PARP4: variants seen among roughly 807,000 people sequenced by gnomAD.
PARP4 encodes poly(ADP-ribose) polymerase family member 4.
In PARP4, 120 loss-of-function variants were observed where a neutral mutation model predicts 187.7. The observed-to-expected ratio is 0.64, with a 90% CI of 0.55 to 0.74. PARP4 has a LOEUF of 0.74. Among genes scored for constraint, PARP4 ranks in the 30% least tolerant of loss-of-function variants. The pLI, the probability that PARP4 is intolerant of heterozygous loss-of-function variation, is 0.00. For synonymous variants in PARP4, 654 were observed against 740.9 expected, an observed-to-expected ratio of 0.88 and a Z score of 1.90; for missense variants, 1,836 against 2,070.5, an observed-to-expected ratio of 0.89 and a Z score of 2.20.
Position 24,456,424 on chromosome 13 carries a change from T to C in PARP4, c.2479A>G (p.Ser827Gly). The C allele has an allele frequency of 6.2e-7, 1 of 1,611,766 alleles. No homozygotes were observed. Among genetic ancestry groups the C allele is most frequent in the Non-Finnish European group, 8.5e-7 (1 of 1,178,282 alleles). Residue 827 changes from serine to glycine, a missense_variant, in exon 21 of 34, where the codon AGT becomes GGT. Physicochemically the swap from Ser to Gly is moderately conservative, Grantham distance 56. Around this residue, in one of 8 missense-constraint regions of PARP4, gnomAD observed 1,147 missense variants for 1,214.2 expected, o/e 0.94. Transcript: ENST00000381989. ...STMEGSSLDS[S>G]GFSLHIGLSA... The stretch of plus-strand genomic sequence containing the variant: ...AAACCGATGTGGAGAGAAAATCCAC[T>C]GCTGTCTAAGGAGCTGCCTTCCATG...
chr13:24,435,078 G>GC lies in PARP4; in HGVS notation c.4062_4063insG (p.Pro1355AlafsTer6). ...TGAGATGCATCAAACTGTCTGGGAGGAGCAGCTGAACCGAAACTAGCTACC... is the reference window on the plus strand; with the variant it reads ...TGAGATGCATCAAACTGTCTGGGAGGCAGCAGCTGAACCGAAACTAGCTACC... On this transcript the variant is annotated frameshift_variant, in exon 31 of 34. Transcript: ENST00000381989. LOFTEE classifies it high-confidence loss of function. 6.2e-7 allele frequency: 1 copy of GC among 1,614,178 alleles called. No homozygotes were observed. Among genetic ancestry groups the GC allele is most frequent in the Non-Finnish European group, 8.5e-7 (1 of 1,180,040 alleles).
intron 13 of PARP4, 98 bp downstream of exon 13, chr13:24,477,995 T>G (rs929175741): frequency 3.4e-5 from 37 of 1,088,464 alleles, no homozygotes; most frequent in Non-Finnish European, 4.6e-5. Context: ...TAACAATTAT[T>G]TAAACTTAAG....
chr13:24,452,621 T>A (rs370310726), intron 23 of PARP4, 28 bp from the exon 24 acceptor site: 88 of 1,580,234 alleles, frequency 5.6e-5, no homozygotes, highest in Non-Finnish European at 7.0e-5. Context: ...AAAGATTATG[T>A]TCTCCTTGTT....
chr13:24,478,163 G>C lies in PARP4; in HGVS notation c.1562C>G (p.Thr521Ser), dbSNP rs1215299759. Residue 521 changes from threonine to serine, a missense_variant, in exon 13 of 34, where the codon ACT (threonine) becomes AGT (serine). By Grantham distance (58) the Thr-to-Ser change is moderately conservative. Transcript: ENST00000381989. ...MDLHEKDFSL[T>S]EAPPGYDSVH... is the part of the protein sequence containing the mutation. Reference sequence around the variant, plus strand: ...ACTGTCGTAGCCTGGTGGTGCTTCAGTTAAGGAAAAGTCCTTCTCATGTAA... The same window carrying C: ...ACTGTCGTAGCCTGGTGGTGCTTCACTTAAGGAAAAGTCCTTCTCATGTAA... 1 of 1,613,860 alleles carries C rather than the reference G, an allele frequency of 6.2e-7. No homozygotes were observed. Among genetic ancestry groups the C allele is most frequent in the East Asian group, 2.2e-5 (1 of 44,880 alleles).
At chr13:24,505,034 C>T (rs1441034481) in intron 1 of PARP4, among the ~76,000 whole-genome samples, 43 of 140,622 alleles carry the variant, frequency 3.1e-4, no homozygotes. Context: ...GTCAGGGTCT[C>T]ACTCTGTCAC....
At chr13:24,511,747 T>C (rs974545890) in intron 1 of PARP4, among the ~76,000 whole-genome samples, 8 of 152,204 alleles carry the variant, frequency 5.3e-5, no homozygotes, top group African/African-American at 1.4e-4. Context: ...ACAGTGGGCA[T>C]TCAATAAAAG....
intron 9 of PARP4, among the ~76,000 whole-genome samples, 172 bp from the exon 10 acceptor site, chr13:24,491,000 G>A (rs1199448958): frequency 6.6e-6 from 1 of 152,030 alleles, no homozygotes; most frequent in Non-Finnish European, 1.5e-5. Context: ...GGAGTGTAGT[G>A]GCATGACCAT....
intron 26 of PARP4, 32 bp from the exon 27 acceptor site, chr13:24,446,793 A>G (rs1299082959): frequency 7.0e-7 from 1 of 1,429,896 alleles, no homozygotes. Flanking sequence ...ATTCCTCATT[A>G]GCCTTTCCAC....
chr13:24,482,710 C>T (rs888650772), intron 12 of PARP4, among the ~76,000 whole-genome samples: 3 of 152,076 alleles, frequency 2.0e-5, no homozygotes, highest in African/African-American at 7.2e-5. Flanking sequence ...GAGTGTAAAC[C>T]TCTTATACTC....
intron 25 of PARP4, among the ~76,000 whole-genome samples, chr13:24,449,418 C>G (rs1384376407): frequency 6.7e-6 from 1 of 149,576 alleles, no homozygotes; most frequent in Non-Finnish European, 1.5e-5. Flanking sequence ...AATTAAAATG[C>G]TAAATTTTAT....
At position 24,429,065 on chromosome 13, in the gene PARP4, A is replaced by G. The variant is rs187150251; in HGVS notation, c.4846+2312T>C. Among the ~76,000 whole-genome samples, 289 of 152,108 alleles carry G rather than the reference A, an allele frequency of 1.9e-3. 1 individual carries two copies. The highest frequency in any genetic ancestry group is 6.6e-3 in the East Asian group (34 of 5,174). On this transcript the variant is annotated intron_variant, in intron 32 of 33. Transcript: ENST00000381989. ...GGTAAGTTTATTGAGTGCATTGTCAATCGAATTAAATGATTTTTTTCCTGT... is the reference window on the plus strand; with the variant it reads ...GGTAAGTTTATTGAGTGCATTGTCAGTCGAATTAAATGATTTTTTTCCTGT...
intron 24 of PARP4, among the ~76,000 whole-genome samples, chr13:24,451,688 G>A (rs1871527987): frequency 6.6e-6 from 1 of 152,136 alleles, no homozygotes. Context: ...ACAGGTAGGA[G>A]TCCAGGGGCC....
intron 17 of PARP4, among the ~76,000 whole-genome samples, chr13:24,464,569 T>C (rs1322620535): frequency 6.6e-6 from 1 of 152,158 alleles, no homozygotes; most frequent in African/African-American, 2.4e-5. Flanking sequence ...ATTTAATGAA[T>C]GGTGCTGGGA....
rs115551597 is a variant in PARP4 at position 24,480,772 on chromosome 13, T to C, written c.1449-2496A>G. On this transcript the variant is annotated intron_variant, in intron 12 of 33. Transcript: ENST00000381989. ...AAGAAGGCCTGAAGCTAGCAGAGGT[T>C]GGCTGAGGTTTAAGGAAAGAAGCCA... 3.9e-3 allele frequency among the ~76,000 whole-genome samples: 589 copies of C among 152,342 alleles called. 4 individuals carry two copies. Among genetic ancestry groups the C allele is most frequent in the African/African-American group, 0.013 (542 of 41,576 alleles).
intron 33 of PARP4, among the ~76,000 whole-genome samples, 159 bp from the exon 34 acceptor site, chr13:24,421,473 C>T (rs1457865698): frequency 1.3e-5 from 2 of 152,260 alleles, no homozygotes; most frequent in African/African-American, 4.8e-5. Context: ...TTCTTCTGCC[C>T]GTCTGACCTT....
chr13:24,449,486 A>G lies in PARP4; in HGVS notation c.3114+232T>C, dbSNP rs568708372. Among the ~76,000 whole-genome samples, 9 of 152,224 alleles carry G rather than the reference A, an allele frequency of 5.9e-5. No homozygotes were observed. The East Asian group carries it at 1.4e-3, about 23-fold the overall frequency. ...TTAATAATTCACTTTAAAAAAAATCAGTCCATGATTTTTAAGGCAGAAATC... is the reference window on the plus strand; with the variant it reads ...TTAATAATTCACTTTAAAAAAAATCGGTCCATGATTTTTAAGGCAGAAATC... On this transcript the variant is annotated intron_variant, in intron 25 of 33. Coordinates refer to ENST00000381989, the MANE Select transcript of PARP4 (RefSeq NM_006437.4).
chr13:24,485,011 CTACT>C (rs1276109595), intron 11 of PARP4, among the ~76,000 whole-genome samples: 3 of 152,190 alleles, frequency 2.0e-5, no homozygotes, highest in African/African-American at 7.2e-5. Flanking sequence ...AAGCTCATCC[CTACT>C]TAAAGATTAT....
intron 1 of PARP4, among the ~76,000 whole-genome samples, chr13:24,509,339 TC>T (rs1310235125): frequency 2.0e-5 from 3 of 151,974 alleles, no homozygotes; most frequent in Non-Finnish European, 4.4e-5. Flanking sequence ...AAACTTCATC[TC>T]TACAAAAAAT....
chr13:24,459,001 A>G, intron 20 of PARP4, 43 bp downstream of exon 20: 1 of 1,294,772 alleles, frequency 7.7e-7, no homozygotes, highest in Non-Finnish European at 1.1e-6. Context: ...AGATAAAAGT[A>G]GTGTTAAAAT....
Sources: gnomAD v4.1 joint callset for allele counts (sites outside exome capture counted in the v4.1 genomes callset) on GRCh38, gnomAD v4.1.1 for gene constraint, gnomAD v4.1.1 regional missense constraint, MANE v1.5 for transcripts, NCBI Gene and HGNC (gene_info 2026-07-23, HGNC 2026-07-21) for gene names.